The following USP12 variants were observed in gnomAD, a reference collection of about 807,000 sequenced individuals.
The protein encoded by USP12 is ubiquitin specific peptidase 12.
Under a neutral mutation model 45.5 loss-of-function variants are expected in USP12, and 19 were observed. The observed-to-expected ratio is 0.42, with a 90% CI of 0.29 to 0.61. The LOEUF (loss-of-function observed/expected upper bound fraction) is 0.61. Among genes scored for constraint, USP12 ranks in the 20% least tolerant of loss-of-function variants. The probability of loss-of-function intolerance (pLI) is 0.22; values close to 1 mark genes in which losing one functional copy is unlikely to be tolerated. For synonymous variants in USP12, 149 were observed against 148.8 expected (o/e 1.00, Z -0.01); for missense variants, 242 against 447.7 (o/e 0.54, Z 4.15).
At chr13:27,113,157 C>A (rs540903511) in intron 2 of USP12, among the ~76,000 whole-genome samples, 8 of 152,122 alleles carry the variant, frequency 5.3e-5, no homozygotes, top group African/African-American at 1.9e-4. Flanking sequence ...ACGGCTTGAG[C>A]CAAGAAGGTG....
intron 3 of USP12, among the ~76,000 whole-genome samples, chr13:27,103,122 T>C (rs1565990337): frequency 1.3e-5 from 2 of 152,238 alleles, no homozygotes; most frequent in African/African-American, 2.4e-5. Context: ...ATGGGGCTAA[T>C]ATCTATTGAG....
intron 7 of USP12, among the ~76,000 whole-genome samples, chr13:27,073,258 GGA>G (rs972092929): frequency 2.6e-5 from 4 of 152,192 alleles, no homozygotes; most frequent in African/African-American, 9.7e-5. Flanking sequence ...AACTCCATCA[GGA>G]GAGAGTTCCC....
chr13:27,100,981 A>C (rs1216590260), intron 3 of USP12, among the ~76,000 whole-genome samples: 1 of 152,232 alleles, frequency 6.6e-6, no homozygotes, highest in Non-Finnish European at 1.5e-5. Context: ...GTTTTTCAAA[A>C]TAATTACTTT....
intron 7 of USP12, 83 bp from the exon 8 acceptor site, chr13:27,071,232 C>G: frequency 8.2e-7 from 1 of 1,214,078 alleles, no homozygotes; most frequent in South Asian, 1.5e-5. Context: ...TATAAAGAAA[C>G]AGAAACAGAT....
chr13:27,112,164 A>C (rs1174733035), intron 2 of USP12, among the ~76,000 whole-genome samples: 1 of 152,148 alleles, frequency 6.6e-6, no homozygotes, highest in Admixed American at 6.6e-5. Flanking sequence ...GTTGTTTACC[A>C]GTTTCTTCAC....
At chr13:27,161,816 A>G (rs1193784804) in intron 1 of USP12, among the ~76,000 whole-genome samples, 1 of 151,532 alleles carries the variant, frequency 6.6e-6, no homozygotes, top group Non-Finnish European at 1.5e-5. Flanking sequence ...CGGGGGGCAG[A>G]GGTTTCAATG....
chr13:27,125,445 G>C (rs1170875292), intron 1 of USP12, among the ~76,000 whole-genome samples: 2 of 152,210 alleles, frequency 1.3e-5, no homozygotes, highest in Non-Finnish European at 2.9e-5. Flanking sequence ...GAGTGCTGGA[G>C]AACTTGGAAA....
chr13:27,085,190 T>A (rs497224), intron 6 of USP12, among the ~76,000 whole-genome samples: 7,565 of 150,504 alleles, frequency 0.05, 661 homozygotes, highest in African/African-American at 0.18. Flanking sequence ...CTTTTTTTTT[T>A]GAGATGGAGT....
rs904420542 is a variant in USP12, at chr13:27,171,733, G to T, written c.-94C>A. The T allele has an allele frequency of 1.2e-6, 1 of 832,748 alleles. No homozygotes were observed. The highest frequency in any genetic ancestry group is 1.5e-6 in the Non-Finnish European group (1 of 667,222). The allele number at this position is 832,748 out of a possible 1,614,324, so 51.6% of individuals were successfully genotyped here. On this transcript the variant is annotated 5_prime_UTR_variant, in exon 1 of 9. Coordinates refer to ENST00000282344, the MANE Select transcript of USP12 (RefSeq NM_182488.4). ...CCCGCTCGCACCGCAGCCCGCGGGC[G>T]GACCCCGAGCCGCCGCGGACCCAAC... is the stretch of plus-strand genomic sequence containing the variant.
At chr13:27,116,189 G>A (rs1011248382) in intron 2 of USP12, among the ~76,000 whole-genome samples, 9 of 151,878 alleles carry the variant, frequency 5.9e-5, no homozygotes, top group South Asian at 2.1e-4. Context: ...GCAGGCGCCT[G>A]TAGTCCCAGC....
chr13:27,127,284 T>C (rs896778675), intron 1 of USP12, among the ~76,000 whole-genome samples: 3 of 152,178 alleles, frequency 2.0e-5, no homozygotes, highest in African/African-American at 7.2e-5. Context: ...TGGCAGAAGC[T>C]TGCAAAAGGC....
intron 1 of USP12, among the ~76,000 whole-genome samples, chr13:27,141,294 C>T (rs960518718): frequency 2.6e-5 from 4 of 152,012 alleles, no homozygotes; most frequent in East Asian, 1.9e-4. Context: ...GGATTACAGG[C>T]GTGAGCCACC....
chr13:27,166,907 C>G (rs1446573950), intron 1 of USP12, among the ~76,000 whole-genome samples: 1 of 152,118 alleles, frequency 6.6e-6, no homozygotes, highest in African/African-American at 2.4e-5. Context: ...CATTTTATAA[C>G]ATTAAACTCA....
intron 1 of USP12, among the ~76,000 whole-genome samples, chr13:27,153,051 G>A (rs571745173): frequency 2.0e-5 from 3 of 152,200 alleles, no homozygotes; most frequent in East Asian, 1.9e-4. Flanking sequence ...TAGTGTCCTG[G>A]CCGGGCATGG....
intron 6 of USP12, among the ~76,000 whole-genome samples, chr13:27,084,738 C>T (rs992136865): frequency 1.3e-5 from 2 of 152,072 alleles, no homozygotes; most frequent in African/African-American, 4.8e-5. Flanking sequence ...CATTTTGTTC[C>T]ACTGGTCTAT....
At chr13:27,143,714 T>A (rs563250156) in intron 1 of USP12, among the ~76,000 whole-genome samples, 1 of 152,194 alleles carries the variant, frequency 6.6e-6, no homozygotes, top group Non-Finnish European at 1.5e-5. Flanking sequence ...ACCTGCAATA[T>A]GAAGAACACA....
At chr13:27,084,166 GCATACACA>G (rs1565983840) in intron 6 of USP12, among the ~76,000 whole-genome samples, 2 of 99,080 alleles carry the variant, frequency 2.0e-5, no homozygotes, top group African/African-American at 8.1e-5. Context: ...ATCCATGTTT[GCATACACA>G]CACACACACA....
chr13:27,116,528 A>G lies in USP12; in HGVS notation c.117T>C (p.Phe39=), dbSNP rs779553931. The G allele has an allele frequency of 1.2e-6, 2 of 1,613,696 alleles. No homozygotes were observed. Among genetic ancestry groups the G allele is most frequent in the South Asian group, 2.2e-5 (2 of 91,038 alleles). The change falls in exon 2 of 9, where the codon TTT becomes TTC. Residue 39 remains phenylalanine (F), a synonymous_variant. Coordinates refer to ENST00000282344, the MANE Select transcript of USP12 (RefSeq NM_182488.4). ...AATGGATACTTACATTGACTAATCC[A>G]AAATAGTGCTCATTGACCGGAAACT... ...PEQFPVNEHY[F]GLVNFGNTCY... is the part of the protein sequence containing the mutation.
At chr13:27,095,484 C>T (rs1565987625) in intron 4 of USP12, 117 bp downstream of exon 4, 1 of 725,746 alleles carries the variant, frequency 1.4e-6, no homozygotes, top group Non-Finnish European at 2.2e-6. Context: ...ACATCTTTAA[C>T]TCCTATACCT....
Sources: gnomAD v4.1 joint callset for allele counts (sites outside exome capture counted in the v4.1 genomes callset) on GRCh38, gnomAD v4.1.1 for gene constraint, MANE v1.5 for transcripts, NCBI Gene and HGNC (gene_info 2026-07-23, HGNC 2026-07-21) for gene names.